The following GLT8D2 variants were observed in gnomAD, a reference collection of about 807,000 sequenced individuals.
The protein encoded by GLT8D2 is glycosyltransferase 8 domain containing 2.
In GLT8D2, 45 loss-of-function variants were observed where a neutral mutation model predicts 44.5. The observed-to-expected ratio is 1.01, with a 90% confidence interval of 0.80 to 1.30. GLT8D2 has a LOEUF of 1.30. Among genes scored for constraint, GLT8D2 ranks in the 50% most tolerant of loss-of-function variants. The probability of loss-of-function intolerance (pLI) is 0.00; values close to 1 mark genes in which losing one functional copy is unlikely to be tolerated. For missense variants in GLT8D2, 400 were observed against 430.4 expected (o/e 0.93, Z 0.62); for synonymous variants, 156 against 157.2 (o/e 0.99, Z 0.06).
At chr12:104,062,309 G>T (rs571375612) in intron 1 of GLT8D2, among the ~76,000 whole-genome samples, 1 of 152,160 alleles carries the variant, frequency 6.6e-6, no homozygotes, top group South Asian at 2.1e-4. Flanking sequence ...CTGACCTCAG[G>T]TAATCTGCCC....
intron 1 of GLT8D2, among the ~76,000 whole-genome samples, chr12:104,029,247 A>C (rs1365748548): frequency 6.6e-6 from 1 of 152,070 alleles, no homozygotes; most frequent in Non-Finnish European, 1.5e-5. Flanking sequence ...CCGAGATTGC[A>C]CCACTGTACT....
rs200820021 is a variant in GLT8D2 at position 104,019,603 on chromosome 12, C to A, written c.19+27G>T. The stretch of plus-strand genomic sequence containing the variant: ...CATCCTCCCAAATATGTTTTTAAAT[C>A]ATTATTTTCAAAAGTTGAAATCTTA... On this transcript the variant is annotated intron_variant, in intron 3 of 10. Transcript: ENST00000360814. The A allele has an allele frequency of 3.5e-4, 548 of 1,575,020 alleles. 1 individual carries two copies. Among genetic ancestry groups the A allele is most frequent in the Middle Eastern group, 8.3e-4 (5 of 5,998 alleles).
intron 3 of GLT8D2, among the ~76,000 whole-genome samples, chr12:104,015,940 T>C (rs960973029): frequency 6.6e-6 from 1 of 151,902 alleles, no homozygotes; most frequent in Non-Finnish European, 1.5e-5. Context: ...GAGGTGGAGG[T>C]TGCAGTGAGC....
rs576824387 is a variant in GLT8D2 at position 103,996,700 on chromosome 12, G to C, written c.600+35C>G. ...GGGGAGAAGGGGCCAGAGTTGTAGAGTGAAGGGAGGATTTCTGAGACAGCA... is the reference window on the plus strand; with the variant it reads ...GGGGAGAAGGGGCCAGAGTTGTAGACTGAAGGGAGGATTTCTGAGACAGCA... On this transcript the variant is annotated intron_variant, in intron 8 of 10. Transcript: ENST00000360814. 3.4e-6 allele frequency: 5 copies of C among 1,457,834 alleles called. No homozygotes were observed. In the South Asian group the frequency reaches 3.5e-5, roughly 10 times the overall value. 90.3% of individuals were successfully genotyped at this position (1,457,834 alleles called of 1,614,324 possible). A position where few individuals can be genotyped will look rare whatever the true frequency, so the allele number is the denominator to read the frequency against.
chr12:104,032,971 C>A (rs149748351), intron 1 of GLT8D2, among the ~76,000 whole-genome samples: 3 of 151,760 alleles, frequency 2.0e-5, no homozygotes, highest in Non-Finnish European at 4.4e-5. Flanking sequence ...CCTCCGCTTC[C>A]GGGGTTCAAG....
intron 3 of GLT8D2, among the ~76,000 whole-genome samples, chr12:104,015,878 CTGTAAT>C (rs1008719273): frequency 6.6e-6 from 1 of 152,058 alleles, no homozygotes; most frequent in African/African-American, 2.4e-5. Context: ...TGGTGCATGC[CTGTAAT>C]CCCAGCTATT....
At chr12:104,014,875 G>A (rs776493287) in intron 4 of GLT8D2, 138 bp downstream of exon 4, 134 of 623,818 alleles carry the variant, frequency 2.1e-4, no homozygotes, top group Non-Finnish European at 3.2e-4. Flanking sequence ...GGTCTAGGGC[G>A]GATATTCTAC....
intron 3 of GLT8D2, among the ~76,000 whole-genome samples, chr12:104,016,151 C>T (rs951564502): frequency 3.9e-5 from 6 of 152,108 alleles, no homozygotes; most frequent in Admixed American, 3.3e-4. Flanking sequence ...CCATCCTTGT[C>T]GTGTTCCAGA....
In GLT8D2 at chr12:103,996,182, C is replaced by T. The variant is rs146761384; in HGVS notation, c.600+553G>A. On this transcript the variant is annotated intron_variant, in intron 8 of 10. Coordinates refer to ENST00000360814, the MANE Select transcript of GLT8D2 (RefSeq NM_001384711.1). ...ACCTCATATTTCAAAGCTACCCCTTCGGTTTCAGCATTGCATGTAGGTTCA... is the reference window on the plus strand; with the variant it reads ...ACCTCATATTTCAAAGCTACCCCTTTGGTTTCAGCATTGCATGTAGGTTCA... Among the ~76,000 whole-genome samples, 786 of 152,306 alleles carry T rather than the reference C, an allele frequency of 5.2e-3. 2 individuals are homozygous for T. The highest frequency in any genetic ancestry group is 0.034 in the Middle Eastern group (10 of 294).
intron 3 of GLT8D2, 67 bp downstream of exon 3, chr12:104,019,563 C>A (rs908386862): frequency 8.0e-7 from 1 of 1,253,360 alleles, no homozygotes; most frequent in Non-Finnish European, 1.1e-6. Context: ...AAGAGCCAAG[C>A]CCCAGCCTCA....
chr12:104,027,614 A>T (rs938455629), intron 1 of GLT8D2, among the ~76,000 whole-genome samples: 1 of 152,250 alleles, frequency 6.6e-6, no homozygotes, highest in Admixed American at 6.5e-5. Context: ...GTCAGATAAT[A>T]ATCATAGCTA....
At chr12:103,989,987 C>G (rs1314491619) in intron 10 of GLT8D2, among the ~76,000 whole-genome samples, 1 of 151,022 alleles carries the variant, frequency 6.6e-6, no homozygotes, top group Non-Finnish European at 1.5e-5. Flanking sequence ...GACCAAGTTC[C>G]TTATTAAGGA....
At chr12:104,062,325 G>A (rs781088228) in intron 1 of GLT8D2, among the ~76,000 whole-genome samples, 14 of 152,062 alleles carry the variant, frequency 9.2e-5, no homozygotes, top group Non-Finnish European at 1.9e-4. Flanking sequence ...TGCCCTCCTC[G>A]GCCTCTCAAA....
intron 1 of GLT8D2, among the ~76,000 whole-genome samples, chr12:104,055,903 T>C (rs1038273752): frequency 6.6e-6 from 1 of 152,212 alleles, no homozygotes; most frequent in African/African-American, 2.4e-5. Flanking sequence ...GGAATTACCA[T>C]AGCAGCCTCA....
At chr12:104,008,537 C>G (rs1208660627) in intron 4 of GLT8D2, among the ~76,000 whole-genome samples, 1 of 152,076 alleles carries the variant, frequency 6.6e-6, no homozygotes, top group Non-Finnish European at 1.5e-5. Flanking sequence ...AAATTTGCAG[C>G]CTGACAATGT....
chr12:104,042,794 A>C (rs940556574), intron 1 of GLT8D2, among the ~76,000 whole-genome samples: 5 of 152,306 alleles, frequency 3.3e-5, no homozygotes, highest in South Asian at 2.1e-4. Flanking sequence ...CACACACACA[A>C]AAATCTCATT....
chr12:103,989,344 T>C lies in GLT8D2; in HGVS notation c.*64A>G, dbSNP rs1241773321. The C allele has an allele frequency of 1.9e-5, 25 of 1,339,532 alleles. No homozygotes were observed. The highest frequency in any genetic ancestry group is 2.0e-5 in the Non-Finnish European group (19 of 972,528). The allele number at this position is 1,339,532 out of a possible 1,614,324, so 83.0% of individuals were successfully genotyped here. A position where few individuals can be genotyped will look rare whatever the true frequency, so the allele number is the denominator to read the frequency against. ...GTAATATTCATAAAGAACAATGTTA[T>C]AGTTGGCTACAAAGGGACAATTCCA... On this transcript the variant is annotated 3_prime_UTR_variant, in exon 11 of 11. Coordinates refer to ENST00000360814, the MANE Select transcript of GLT8D2 (RefSeq NM_001384711.1).
chr12:104,009,998 A>T (rs1310023037), intron 4 of GLT8D2, among the ~76,000 whole-genome samples: 1 of 140,118 alleles, frequency 7.1e-6, no homozygotes, highest in Non-Finnish European at 1.5e-5. Flanking sequence ...ACTAATACAA[A>T]CCATGAATTA....
rs1566202434 is a variant in GLT8D2 at position 104,021,933 on chromosome 12, GAAGAAGAAGAA to G, written c.-163-453_-163-443del. ...AGAAGAAGAAGAAGAAGAAGAAGAA[GAAGAAGAAGAA>G]GAAGAAGAAGAGGAAGAAGAGGAAG... On this transcript the variant is annotated intron_variant, in intron 1 of 10. Coordinates refer to ENST00000360814, the MANE Select transcript of GLT8D2 (RefSeq NM_001384711.1). 7.7e-3 allele frequency among the ~76,000 whole-genome samples: 192 copies of G among 24,846 alleles called. 10 individuals are homozygous for G. Among genetic ancestry groups the G allele is most frequent in the East Asian group, 0.038 (20 of 532 alleles). 16.3% of individuals were successfully genotyped at this position (24,846 alleles called of 152,430 possible). A position where few individuals can be genotyped will look rare whatever the true frequency, so the allele number is the denominator to read the frequency against.
Sources: allele counts gnomAD v4.1 joint callset (sites outside exome capture counted in the v4.1 genomes callset), GRCh38; gene constraint gnomAD v4.1.1; transcripts MANE v1.5; gene names NCBI Gene and HGNC (gene_info 2026-07-23, HGNC 2026-07-21).